The following COL20A1 variants were observed in gnomAD, a reference collection of about 807,000 sequenced individuals.
COL20A1 encodes collagen type XX alpha 1 chain, also known as collagen alpha-1(XX) chain.
Under a neutral mutation model 152.9 loss-of-function variants are expected in COL20A1, and 164 were observed. The observed-to-expected ratio is 1.07, with a 90% CI of 0.94 to 1.22. The LOEUF (loss-of-function observed/expected upper bound fraction) is 1.22, where lower values mean the gene tolerates loss of function less well. Ranked by LOEUF, COL20A1 falls within the 50% of genes most tolerant of loss-of-function variation. COL20A1 has a pLI of 0.00. For missense variants in COL20A1, 1,873 were observed against 1,744.8 expected (o/e 1.07, Z -1.31); for synonymous variants, 864 against 756.0 (o/e 1.14, Z -2.34).
At chr20:63,304,383 G>C (rs1333428236) in intron 3 of COL20A1, among the ~76,000 whole-genome samples, 1 of 141,042 alleles carries the variant, frequency 7.1e-6, no homozygotes, top group Admixed American at 6.9e-5. Context: ...CTCCCTCCAG[G>C]TGTGCAGGTG....
At chr20:63,320,520 G>A (rs1455581726) in intron 25 of COL20A1, among the ~76,000 whole-genome samples, 152 bp downstream of exon 25, 1 of 152,230 alleles carries the variant, frequency 6.6e-6, no homozygotes, top group Non-Finnish European at 1.5e-5. Context: ...CTCAGGGCCA[G>A]TGGATGAGCC....
intron 8 of COL20A1, 58 bp downstream of exon 8, chr20:63,308,764 C>T (rs761281169): frequency 2.2e-5 from 32 of 1,446,020 alleles, no homozygotes; most frequent in African/African-American, 7.1e-5. Context: ...GGTTTAGGGT[C>T]GCAGCAGGGA....
chr20:63,314,846 C>T (rs1045537385), intron 19 of COL20A1, among the ~76,000 whole-genome samples: 21 of 134,424 alleles, frequency 1.6e-4, no homozygotes, highest in African/African-American at 5.9e-4. Flanking sequence ...GCACACCAGG[C>T]ATCTCCCTGG....
intron 3 of COL20A1, among the ~76,000 whole-genome samples, chr20:63,304,992 C>T (rs1029782769): frequency 3.9e-5 from 6 of 152,190 alleles, no homozygotes; most frequent in Non-Finnish European, 7.3e-5. Context: ...AAAATACTTG[C>T]GGCTGGTCGG....
intron 21 of COL20A1, among the ~76,000 whole-genome samples, chr20:63,317,610 A>G (rs2068100855): frequency 6.6e-6 from 1 of 151,830 alleles, no homozygotes; most frequent in Non-Finnish European, 1.5e-5. Context: ...TTTTGTCCCC[A>G]CACAGCCGCC....
rs1050989011 is a variant in COL20A1 at position 63,334,058 on chromosome 20, A to G, written c.*3342A>G. On this transcript the variant is annotated 3_prime_UTR_variant, in exon 36 of 36. Transcript: ENST00000358894. The stretch of plus-strand genomic sequence containing the variant: ...AGCCCCCCATCGTGATCTGATGGTA[A>G]GTACAGAACTCCTTGCCCAGTGGAG... 23 of 152,212 alleles carry G rather than the reference A, an allele frequency of 1.5e-4. No individual in the cohort carries two copies. The highest frequency in any genetic ancestry group is 5.5e-4 in the African/African-American group (23 of 41,454). The allele number at this position is 152,212 out of a possible 1,614,324, so 9.4% of individuals were successfully genotyped here.
At chr20:63,325,180 G>A (rs1296583005) in intron 27 of COL20A1, 1 of 645,688 alleles carries the variant, frequency 1.5e-6, no homozygotes. Flanking sequence ...TGCCCAGAGG[G>A]CTGGGAGGGC....
intron 35 of COL20A1, among the ~76,000 whole-genome samples, chr20:63,329,869 G>GT (rs1228840581): frequency 1.3e-5 from 2 of 150,186 alleles, no homozygotes; most frequent in African/African-American, 4.8e-5. Flanking sequence ...GTCACAGGGT[G>GT]TGGGGTCACA....
chr20:63,325,574 G>A, intron 28 of COL20A1, 80 bp downstream of exon 28: 1 of 1,548,574 alleles, frequency 6.5e-7, no homozygotes. Context: ...GAGTGCCTGG[G>A]GGGCACAGGG....
chr20:63,329,307 CACCT>C lies in COL20A1; in HGVS notation c.3782-277_3782-274del, dbSNP rs2068300576. 7.6e-6 allele frequency: 4 copies of C among 526,964 alleles called. No homozygotes were observed. The Admixed American group carries it at 1.0e-4, about 13-fold the overall frequency. 32.6% of individuals were successfully genotyped at this position (526,964 alleles called of 1,614,324 possible). On this transcript the variant is annotated intron_variant, in intron 34 of 35. Transcript: ENST00000358894. ...CAGAATAAACGGCCCCCTCTGCACCCACCTGTCTAGATGAGGGTGACAGGCACTA... is the reference window on the plus strand; with the variant it reads ...CAGAATAAACGGCCCCCTCTGCACCCGTCTAGATGAGGGTGACAGGCACTA...
chr20:63,298,104 G>A (rs1650951524), intron 3 of COL20A1, 84 bp downstream of exon 3: 3 of 863,802 alleles, frequency 3.5e-6, no homozygotes. Flanking sequence ...CACCACTCAG[G>A]CCCACAGCAT....
Position 63,321,047 on chromosome 20 carries a change from C to T in COL20A1, c.3188C>T (p.Ala1063Val). 6.2e-7 allele frequency: 1 copy of T among 1,601,022 alleles called. No homozygotes were observed. The highest frequency in any genetic ancestry group is 8.5e-7 in the Non-Finnish European group (1 of 1,174,582). The change falls in exon 26 of 36, where the codon GCC (alanine) becomes GTC (valine). Residue 1063 changes from alanine (A) to valine (V), a missense_variant. Coordinates refer to ENST00000358894, the MANE Select transcript of COL20A1 (RefSeq NM_020882.4). ...GAGACCTGCCCCGCCTTCGTGTCTGCCTGTTCCTGTTCCTCAGAGACCCCT... is the reference window on the plus strand; with the variant it reads ...GAGACCTGCCCCGCCTTCGTGTCTGTCTGTTCCTGTTCCTCAGAGACCCCT... ...DGETCPAFVS[A>V]CSCSSETPGP...
chr20:63,325,844 C>A, intron 29 of COL20A1, 123 bp downstream of exon 29: 1 of 875,728 alleles, frequency 1.1e-6, no homozygotes, highest in Non-Finnish European at 1.8e-6. Context: ...GCTCCTGCCT[C>A]ACCTGCTGCA....
In COL20A1 at chr20:63,319,433, A is replaced by G. The variant is rs927946290; in HGVS notation, c.2807-54A>G. The stretch of plus-strand genomic sequence containing the variant: ...TCGTGGGGGCCGCCCTGCTCAAGGT[A>G]TAGGCCCGGCTGGTTGCAGCCCGTT... On this transcript the variant is annotated intron_variant, in intron 22 of 35. Coordinates refer to ENST00000358894, the MANE Select transcript of COL20A1 (RefSeq NM_020882.4). This position sits in a 1 kb window ranked among gnomAD's most constrained non-coding sequence, Gnocchi z 4.4. The G allele has an allele frequency of 2.2e-6, 3 of 1,382,118 alleles. No homozygotes were observed. Among genetic ancestry groups the G allele is most frequent in the Non-Finnish European group, 3.0e-6 (3 of 998,186 alleles). The allele number at this position is 1,382,118 out of a possible 1,614,324, so 85.6% of individuals were successfully genotyped here. A position where few individuals can be genotyped will look rare whatever the true frequency, so the allele number is the denominator to read the frequency against.
rs760391943 is a variant in COL20A1, at chr20:63,306,081, T to C, written c.496+42T>C. ...AGAGAGTAAGTCTCCGGGGAGGGAG[T>C]GACCTTTGGTTTCCCACATTTCCCA... On this transcript the variant is annotated intron_variant, in intron 5 of 35. Coordinates refer to ENST00000358894, the MANE Select transcript of COL20A1 (RefSeq NM_020882.4). This position sits in a 1 kb window ranked among gnomAD's most constrained non-coding sequence, Gnocchi z 6.9. The C allele has an allele frequency of 2.1e-5, 32 of 1,522,564 alleles. No homozygotes were observed. In the Admixed American group the frequency reaches 6.2e-4, roughly 29 times the overall value. The allele number at this position is 1,522,564 out of a possible 1,614,324, so 94.3% of individuals were successfully genotyped here. A position where few individuals can be genotyped will look rare whatever the true frequency, so the allele number is the denominator to read the frequency against.
Position 63,305,467 on chromosome 20 carries a change from G to GA in COL20A1, c.244_245insA (p.Val82AspfsTer33). The GA allele has an allele frequency of 6.2e-7, 1 of 1,603,848 alleles. No homozygotes were observed. The highest frequency in any genetic ancestry group is 8.5e-7 in the Non-Finnish European group (1 of 1,175,976). On this transcript the variant is annotated frameshift_variant, in exon 4 of 36. Transcript: ENST00000358894. LOFTEE classifies it high-confidence loss of function. This position sits in a 1 kb window ranked among gnomAD's most constrained non-coding sequence, Gnocchi z 4.9. The stretch of plus-strand genomic sequence containing the variant: ...GACCACCAAGACCCCTAAGGCCACA[G>GA]TGGGGGGCCTGAGCCCCTCCAAGGG...
In COL20A1 at chr20:63,313,425, T is replaced by C. The variant is rs1425357585; in HGVS notation, c.2209+176T>C. Among the ~76,000 whole-genome samples, 2 of 151,916 alleles carry C rather than the reference T, an allele frequency of 1.3e-5. No homozygotes were observed. The highest frequency in any genetic ancestry group is 2.4e-5 in the African/African-American group (1 of 41,348). ...CAGCACTTCCTTGAGCTCACACGGGTATAGGTGTTCCCCCAGTGGCCGAGT... is the reference window on the plus strand; with the variant it reads ...CAGCACTTCCTTGAGCTCACACGGGCATAGGTGTTCCCCCAGTGGCCGAGT... On this transcript the variant is annotated intron_variant, in intron 17 of 35. Transcript: ENST00000358894. The surrounding 1 kb of genome is among the most constrained non-coding windows in gnomAD (Gnocchi z 5.9).
At chr20:63,324,915 G>C (rs1471472633) in intron 27 of COL20A1, 2 of 235,834 alleles carry the variant, frequency 8.5e-6, no homozygotes, top group Non-Finnish European at 1.7e-5. Context: ...CATACAGTTG[G>C]CCTGTGGGGG....
Position 63,311,371 on chromosome 20 carries a change from A to G in COL20A1, c.1394-23A>G. The G allele has an allele frequency of 6.4e-7, 1 of 1,566,094 alleles. No individual in the cohort carries two copies. The highest frequency in any genetic ancestry group is 8.6e-7 in the Non-Finnish European group (1 of 1,157,608). ...GATCTCTGTGTGGGCTCCTTCCTAA[A>G]GTGTCCCTGCATGGCCCCCCAGCAC... On this transcript the variant is annotated intron_variant, in intron 11 of 35. Coordinates refer to ENST00000358894, the MANE Select transcript of COL20A1 (RefSeq NM_020882.4). This position sits in a 1 kb window ranked among gnomAD's most constrained non-coding sequence, Gnocchi z 4.4.
Sources: allele counts gnomAD v4.1 joint callset (sites outside exome capture counted in the v4.1 genomes callset), GRCh38; gene constraint gnomAD v4.1.1; non-coding constraint Gnocchi (gnomAD v3.1); transcripts MANE v1.5; gene names NCBI Gene and HGNC (gene_info 2026-07-23, HGNC 2026-07-21).